CTNNA2: variants seen among roughly 807,000 people sequenced by gnomAD.
The protein encoded by CTNNA2 is catenin alpha 2, also known as catenin alpha-2.
A neutral mutation model predicts 101.0 loss-of-function variants in CTNNA2; 42 were observed. That is an observed-to-expected ratio of 0.42 (90% CI 0.32 to 0.54). The LOEUF is 0.54. Among genes scored for constraint, CTNNA2 ranks in the 20% least tolerant of loss-of-function variants. The pLI, the probability that CTNNA2 is intolerant of heterozygous loss-of-function variation, is 0.14. For missense variants in CTNNA2, 871 were observed against 1,223.1 expected (o/e 0.71, Z 4.29); for synonymous variants, 450 against 456.4 (o/e 0.99, Z 0.18).
chr2:79,608,668 C>T (rs1421107631), intron 1 of CTNNA2, among the ~76,000 whole-genome samples: 1 of 152,016 alleles, frequency 6.6e-6, no homozygotes, highest in Non-Finnish European at 1.5e-5. Flanking sequence ...ACATGATCAC[C>T]TTAGTGGAAC....
At position 79,909,701 on chromosome 2, in the gene CTNNA2, C is replaced by T. The variant is rs748755986; in HGVS notation, c.960C>T (p.Ser320=). The change falls in exon 7 of 19, where the codon TCC becomes TCT. Residue 320 remains serine (S), a synonymous_variant. Transcript: ENST00000402739. ...IISGAALMAD[S]SCTRDDRRER... The stretch of plus-strand genomic sequence containing the variant: ...GCGGCGCAGCGCTGATGGCCGACTC[C>T]TCCTGCACGCGAGACGACCGGCGCG... 1.2e-5 allele frequency: 19 copies of T among 1,614,042 alleles called. No homozygotes were observed. Among genetic ancestry groups the T allele is most frequent in the Non-Finnish European group, 1.6e-5 (19 of 1,179,950 alleles).
chr2:79,993,092 A>T (rs2103908355), intron 7 of CTNNA2, among the ~76,000 whole-genome samples: 1 of 152,310 alleles, frequency 6.6e-6, no homozygotes, highest in Non-Finnish European at 1.5e-5. Flanking sequence ...GAGCAGGAAA[A>T]AAACGACTCA....
chr2:80,466,295 G>A (rs901330107), intron 9 of CTNNA2, among the ~76,000 whole-genome samples: 3 of 152,132 alleles, frequency 2.0e-5, no homozygotes, highest in Admixed American at 6.5e-5. Flanking sequence ...GAGATGTACT[G>A]ATGCAAAAGC....
chr2:80,221,136 G>C (rs1708552616), intron 7 of CTNNA2, among the ~76,000 whole-genome samples: 1 of 152,170 alleles, frequency 6.6e-6, no homozygotes, highest in Admixed American at 6.5e-5. Context: ...ACCTCCCTCG[G>C]CCTCCCAAAG....
At position 79,575,967 on chromosome 2, in the gene CTNNA2, T is replaced by G. The variant is rs2566546; in HGVS notation, c.-6+62760T>G. On this transcript the variant is annotated intron_variant, in intron 1 of 18. Coordinates refer to ENST00000402739, the MANE Select transcript of CTNNA2 (RefSeq NM_001282597.3). ...TCTCAGGACTGCTGTGAACACCAAA[T>G]GAGAATATTAGTCTAAAGCGGTTAG... Among the ~76,000 whole-genome samples the G allele has an allele frequency of 5.6e-3, 857 of 152,278 alleles. 4 individuals carry two copies. The highest frequency in any genetic ancestry group is 0.011 in the Admixed American group (165 of 15,286).
chr2:79,262,906 C>A (rs1674942172), intron 2 of CTNNA2, among the ~76,000 whole-genome samples: 2 of 152,094 alleles, frequency 1.3e-5, no homozygotes, highest in African/African-American at 2.4e-5. Context: ...AAGTCCCTAC[C>A]ACCATTCTAG....
intron 7 of CTNNA2, among the ~76,000 whole-genome samples, chr2:80,090,334 C>G (rs1270233875): frequency 6.6e-6 from 1 of 151,912 alleles, no homozygotes; most frequent in Non-Finnish European, 1.5e-5. Context: ...GAAGACATGA[C>G]TGAACTAAAT....
chr2:80,052,763 A>G (rs967370195), intron 7 of CTNNA2, among the ~76,000 whole-genome samples: 4 of 152,218 alleles, frequency 2.6e-5, no homozygotes, highest in African/African-American at 7.2e-5. Context: ...AGATAGAAGC[A>G]GTTTGCATAA....
intron 7 of CTNNA2, among the ~76,000 whole-genome samples, chr2:80,223,170 G>C (rs1174563844): frequency 2.6e-5 from 4 of 152,152 alleles, no homozygotes; most frequent in African/African-American, 9.7e-5. Flanking sequence ...TTGAGTTAAA[G>C]TTAGTGTTTC....
At chr2:80,614,148 A>G (rs929907308) in intron 17 of CTNNA2, among the ~76,000 whole-genome samples, 1 of 151,484 alleles carries the variant, frequency 6.6e-6, no homozygotes, top group Non-Finnish European at 1.5e-5. Flanking sequence ...ATTAGCAGTA[A>G]TACTTTTTGA....
chr2:80,529,635 A>G (rs1690352026), intron 9 of CTNNA2, among the ~76,000 whole-genome samples: 1 of 152,184 alleles, frequency 6.6e-6, no homozygotes. Context: ...AAAAGATTGC[A>G]GAGCCTATTT....
At chr2:80,562,354 C>T (rs1693682519) in intron 12 of CTNNA2, among the ~76,000 whole-genome samples, 1 of 152,090 alleles carries the variant, frequency 6.6e-6, no homozygotes, top group Non-Finnish European at 1.5e-5. Context: ...TAAATGATTC[C>T]TCCTCAAAAG....
intron 8 of CTNNA2, among the ~76,000 whole-genome samples, chr2:80,393,589 C>T (rs573741020): frequency 3.8e-4 from 58 of 152,268 alleles, no homozygotes; most frequent in African/African-American, 1.4e-3. Context: ...TTTTCCAAAT[C>T]CAGGTATGCC....
At chr2:80,121,909 T>C (rs2148879327) in intron 7 of CTNNA2, among the ~76,000 whole-genome samples, 1 of 152,234 alleles carries the variant, frequency 6.6e-6, no homozygotes, top group East Asian at 1.9e-4. Context: ...CTTGGAAAGA[T>C]GAGGGATGAC....
chr2:79,648,096 A>G lies in CTNNA2; in HGVS notation c.-5-3456A>G, dbSNP rs115321022. 8.5e-3 allele frequency among the ~76,000 whole-genome samples: 1,298 copies of G among 152,334 alleles called. 16 individuals are homozygous for G. The highest frequency in any genetic ancestry group is 0.03 in the African/African-American group (1,231 of 41,568). ...GAGGATGGGAAGGAAATGACTATTT[A>G]CTGAAAAATCCTCCAATCTACCTCA... On this transcript the variant is annotated intron_variant, in intron 1 of 18. Transcript: ENST00000402739.
At chr2:79,623,547 G>A (rs974119345) in intron 1 of CTNNA2, among the ~76,000 whole-genome samples, 3 of 152,150 alleles carry the variant, frequency 2.0e-5, no homozygotes, top group Non-Finnish European at 4.4e-5. Flanking sequence ...TGAATTTGAT[G>A]TAGAAAATCT....
At chr2:79,724,542 G>A (rs1195578409) in intron 2 of CTNNA2, among the ~76,000 whole-genome samples, 3 of 152,010 alleles carry the variant, frequency 2.0e-5, no homozygotes, top group East Asian at 1.9e-4. Context: ...ATGGGCTGGC[G>A]CGGTGGCTCA....
intron 7 of CTNNA2, among the ~76,000 whole-genome samples, chr2:79,934,335 T>C (rs1194996677): frequency 6.6e-6 from 1 of 152,234 alleles, no homozygotes; most frequent in Non-Finnish European, 1.5e-5. Flanking sequence ...AATCTAATAA[T>C]ATCAGCAACA....
At chr2:79,680,184 T>A (rs1683464788) in intron 2 of CTNNA2, among the ~76,000 whole-genome samples, 1 of 152,020 alleles carries the variant, frequency 6.6e-6, no homozygotes, top group Admixed American at 6.6e-5. Context: ...AGGCAGCAAA[T>A]AAACAAAACA....
Sources: allele counts gnomAD v4.1 joint callset (sites outside exome capture counted in the v4.1 genomes callset), GRCh38; gene constraint gnomAD v4.1.1; transcripts MANE v1.5; gene names NCBI Gene and HGNC (gene_info 2026-07-23, HGNC 2026-07-21).